Variants in FBXO46 observed in about 807,000 individuals in gnomAD.
The protein encoded by FBXO46 is F-box only protein 46.
In FBXO46, 13 loss-of-function variants were observed where a neutral mutation model predicts 30.7. That is an observed-to-expected ratio of 0.42 (90% CI 0.28 to 0.67). The LOEUF (loss-of-function observed/expected upper bound fraction) is 0.67. FBXO46 is among the 30% of genes least tolerant of loss of function. The probability of loss-of-function intolerance (pLI) is 0.21; values close to 1 mark genes in which losing one functional copy is unlikely to be tolerated. For missense variants in FBXO46, 754 were observed against 871.5 expected, an observed-to-expected ratio of 0.87 and a Z score of 1.70; for synonymous variants, 467 against 385.8, an observed-to-expected ratio of 1.21 and a Z score of -2.47.
At chr19:45,730,897 G>A (rs17878252), upstream of FBXO46, 34,434 of 152,126 alleles carry the variant, frequency 0.23, 4,691 homozygotes, top group Admixed American at 0.37. Context: ...TCCCCCACTC[G>A]CTCCTCTCCA....
At position 45,712,724 on chromosome 19, in the gene FBXO46, C is replaced by A; in HGVS notation, c.772G>T (p.Glu258Ter). The part of the protein sequence containing the change: ...KEERPGPGPG[E>*]VRIAFRISNG... ...GAGATGCGGAAGGCGATGCGCACCT[C>A]CCCAGGGCCTGGCCCGGGCCGCTCT... is the stretch of plus-strand genomic sequence containing the variant. Residue 258 changes from glutamate (E) to a stop codon, truncating the protein, a stop_gained, in exon 2 of 2, where the codon GAG becomes TAG. Coordinates refer to ENST00000317683, the MANE Select transcript of FBXO46 (RefSeq NM_001080469.2). LOFTEE classifies it high-confidence loss of function. This position sits in a 1 kb window ranked among gnomAD's most constrained non-coding sequence, Gnocchi z 8.8. The A allele has an allele frequency of 6.2e-7, 1 of 1,612,254 alleles. No homozygotes were observed. The highest frequency in any genetic ancestry group is 8.5e-7 in the Non-Finnish European group (1 of 1,179,244).
At position 45,717,591 on chromosome 19, in the gene FBXO46, C is replaced by T. The variant is rs569009637; in HGVS notation, c.-78-4018G>A. Among the ~76,000 whole-genome samples the T allele has an allele frequency of 2.0e-5, 3 of 152,326 alleles. No homozygotes were observed. The South Asian group carries it at 6.2e-4, about 32-fold the overall frequency. ...GCGTGGAACAACTCCCAACGTCCAG[C>T]TAAACGGAACAAGGTCAGGGCAAAG... On this transcript the variant is annotated intron_variant, in intron 1 of 1. Transcript: ENST00000317683.
At chr19:45,726,115 G>A (rs1968236643) in intron 1 of FBXO46, among the ~76,000 whole-genome samples, 1 of 152,188 alleles carries the variant, frequency 6.6e-6, no homozygotes, top group Non-Finnish European at 1.5e-5. Flanking sequence ...GCCAAGACGG[G>A]CGGATCATTT....
In FBXO46 at chr19:45,712,174, G is replaced by A; in HGVS notation, c.1322C>T (p.Ala441Val). The A allele has an allele frequency of 6.3e-7, 1 of 1,599,652 alleles. No homozygotes were observed. The highest frequency in any genetic ancestry group is 8.5e-7 in the Non-Finnish European group (1 of 1,173,828). The change falls in exon 2 of 2, where the codon GCG (alanine) becomes GTG (valine). Residue 441 changes from alanine (A) to valine (V), a missense_variant. Transcript: ENST00000317683. The surrounding 1 kb of genome is among the most constrained non-coding windows in gnomAD (Gnocchi z 8.8). ...GTACAAGCGGCACAGGGAGGTGTCC[G>A]CCGTGCCCTCGGCATCGTCTGGGCC... ...APGPDDAEGT[A>V]DTSLCRLYRH...
intron 1 of FBXO46, among the ~76,000 whole-genome samples, chr19:45,724,473 T>G (rs1568549190): frequency 2.0e-5 from 3 of 152,016 alleles, no homozygotes; most frequent in Non-Finnish European, 4.4e-5. Flanking sequence ...CAGGGTCGAG[T>G]CTGCACCCAA....
intron 1 of FBXO46, among the ~76,000 whole-genome samples, chr19:45,722,491 C>T (rs931434294): frequency 3.9e-5 from 6 of 152,254 alleles, no homozygotes; most frequent in East Asian, 1.9e-4. Flanking sequence ...GGCACTGAGG[C>T]GTAGCTCACA....
intron 1 of FBXO46, chr19:45,714,356 A>G (rs1200136251): frequency 6.6e-6 from 1 of 151,902 alleles, no homozygotes; most frequent in Non-Finnish European, 1.5e-5. Flanking sequence ...TCAGACAAGC[A>G]CTTAAGAAAT....
At chr19:45,715,977 A>C (rs865974879) in intron 1 of FBXO46, 1 of 152,042 alleles carries the variant, frequency 6.6e-6, no homozygotes, top group African/African-American at 2.4e-5. Context: ...CTGTAATCTC[A>C]GCTCAGTGTT....
chr19:45,732,982 G>A (rs1198941036), upstream of FBXO46, among the ~76,000 whole-genome samples: 3 of 152,084 alleles, frequency 2.0e-5, no homozygotes, highest in Non-Finnish European at 2.9e-5. Context: ...CGATTGTACT[G>A]GGAAGACAGT....
intron 1 of FBXO46, among the ~76,000 whole-genome samples, chr19:45,729,106 A>C (rs1053265369): frequency 1.3e-5 from 2 of 150,980 alleles, no homozygotes; most frequent in East Asian, 3.9e-4. Flanking sequence ...CGCCTCAAAA[A>C]CAAAACAAAA....
intron 1 of FBXO46, among the ~76,000 whole-genome samples, chr19:45,718,194 C>T (rs1437720975): frequency 6.6e-6 from 1 of 152,162 alleles, no homozygotes; most frequent in Non-Finnish European, 1.5e-5. Context: ...ATCTGGCATA[C>T]ATAGAATACT....
chr19:45,711,674 TC>T lies in FBXO46; in HGVS notation c.*9del. 1 of 1,317,278 alleles carries T rather than the reference TC, an allele frequency of 7.6e-7. No homozygotes were observed. The highest frequency in any genetic ancestry group is 1.0e-6 in the Non-Finnish European group (1 of 954,858). 81.6% of individuals were successfully genotyped at this position (1,317,278 alleles called of 1,614,324 possible). On this transcript the variant is annotated 3_prime_UTR_variant, in exon 2 of 2. Coordinates refer to ENST00000317683, the MANE Select transcript of FBXO46 (RefSeq NM_001080469.2). ...GGGCGTGGTGGGCTCTCCCCTCCCC[TC>T]CCCCGGCTTCACCTCCCCTCCTCCC...
chr19:45,719,126 G>A (rs1968138718), intron 1 of FBXO46, among the ~76,000 whole-genome samples: 1 of 152,034 alleles, frequency 6.6e-6, no homozygotes. Context: ...GCACGTGCCT[G>A]TAGTCCCAAG....
chr19:45,711,839 G>A lies in FBXO46; in HGVS notation c.1657C>T (p.His553Tyr). The change falls in exon 2 of 2, where the codon CAC (histidine) becomes TAC (tyrosine). Residue 553 changes from histidine (H) to tyrosine (Y), a missense_variant. Coordinates refer to ENST00000317683, the MANE Select transcript of FBXO46 (RefSeq NM_001080469.2). Reference sequence around the variant, plus strand: ...GAACGTCCGTAAGGCAGGTCATGGTGGTAGGGCTTGGGGTGCCAGCGGCAG... The same window carrying A: ...GAACGTCCGTAAGGCAGGTCATGGTAGTAGGGCTTGGGGTGCCAGCGGCAG... ...SLCRWHPKPY[H>Y]HDLPYGRSYW... 6.2e-7 allele frequency: 1 copy of A among 1,613,578 alleles called. No individual in the cohort carries two copies. Among genetic ancestry groups the A allele is most frequent in the Non-Finnish European group, 8.5e-7 (1 of 1,179,766 alleles).
intron 1 of FBXO46, among the ~76,000 whole-genome samples, chr19:45,728,204 G>A (rs1223651423): frequency 6.6e-6 from 1 of 152,210 alleles, no homozygotes; most frequent in Non-Finnish European, 1.5e-5. Flanking sequence ...GGGATTACAG[G>A]CATGAGCCAC....
At chr19:45,716,050 T>C (rs908606419) in intron 1 of FBXO46, 5 of 152,106 alleles carry the variant, frequency 3.3e-5, no homozygotes, top group African/African-American at 9.7e-5. Flanking sequence ...CCAATTCACA[T>C]ACATGTTGAG....
rs1248635241 is a variant in FBXO46 at position 45,713,245 on chromosome 19, A to T, written c.251T>A (p.Val84Asp). 6.2e-7 allele frequency: 1 copy of T among 1,613,566 alleles called. No homozygotes were observed. Among genetic ancestry groups the T allele is most frequent in the Non-Finnish European group, 8.5e-7 (1 of 1,179,806 alleles). Residue 84 changes from valine (V) to aspartate (D), a missense_variant, in exon 2 of 2, where the codon GTC becomes GAC. Transcript: ENST00000317683. This position sits in a 1 kb window ranked among gnomAD's most constrained non-coding sequence, Gnocchi z 4.7. ...SAAAAGDEGR[V>D]LLDTWYVIKP... ...GATGACATACCACGTGTCCAGGAGGACTCGACCCTCATCACCAGCAGCTGC... is the reference window on the plus strand; with the variant it reads ...GATGACATACCACGTGTCCAGGAGGTCTCGACCCTCATCACCAGCAGCTGC...
intron 1 of FBXO46, among the ~76,000 whole-genome samples, chr19:45,720,424 C>T (rs1430039079): frequency 1.3e-5 from 2 of 152,054 alleles, no homozygotes; most frequent in African/African-American, 4.8e-5. Flanking sequence ...TGAGCCACTG[C>T]ACCTGGCCTA....
intron 1 of FBXO46, among the ~76,000 whole-genome samples, chr19:45,721,693 C>T (rs1222503583): frequency 6.6e-6 from 1 of 151,530 alleles, no homozygotes; most frequent in Non-Finnish European, 1.5e-5. Context: ...GCTGGGACTA[C>T]AGGCGCCCGC....
Sources: allele counts gnomAD v4.1 joint callset (sites outside exome capture counted in the v4.1 genomes callset), GRCh38; gene constraint gnomAD v4.1.1; non-coding constraint Gnocchi (gnomAD v3.1); transcripts MANE v1.5; gene names NCBI Gene and HGNC (gene_info 2026-07-23, HGNC 2026-07-21).